Variants in GRIK2 observed in about 807,000 individuals in gnomAD.
GRIK2 encodes glutamate ionotropic receptor kainate type subunit 2, also known as glutamate receptor ionotropic, kainate 2.
GRIK2 carries 32 observed loss-of-function variants against 100.3 expected under a neutral mutation model. The ratio of observed to expected loss-of-function variants is 0.32; its 90% CI spans 0.24 to 0.43. GRIK2 has a LOEUF of 0.43. Among genes scored for constraint, GRIK2 ranks in the 20% least tolerant of loss-of-function variants. GRIK2 has a pLI of 1.00. For missense variants in GRIK2, 843 were observed against 1,114.9 expected (o/e 0.76, Z 3.47); for synonymous variants, 417 against 389.4 (o/e 1.07, Z -0.83).
At chr6:101,559,144 C>T (rs1776878885) in intron 2 of GRIK2, among the ~76,000 whole-genome samples, 1 of 152,012 alleles carries the variant, frequency 6.6e-6, no homozygotes, top group Non-Finnish European at 1.5e-5. Flanking sequence ...ACATTTTTGT[C>T]AGAATTAGTA....
chr6:101,762,010 C>T, intron 7 of GRIK2, among the ~76,000 whole-genome samples: 1 of 97,154 alleles, frequency 1.0e-5, no homozygotes. Flanking sequence ...CTTTTCTTTT[C>T]TTCCTTTCTT....
intron 14 of GRIK2, among the ~76,000 whole-genome samples, chr6:101,998,011 T>C (rs1794739074): frequency 1.3e-5 from 2 of 152,254 alleles, no homozygotes; most frequent in East Asian, 3.9e-4. Flanking sequence ...AACATACGTA[T>C]ACATCAGCGA....
intron 16 of GRIK2, among the ~76,000 whole-genome samples, chr6:102,057,417 G>A (rs939441183): frequency 7.9e-5 from 12 of 151,872 alleles, no homozygotes; most frequent in African/African-American, 2.2e-4. Flanking sequence ...ATTTTGTAAC[G>A]TATCGTGCTT....
At chr6:101,987,127 G>T (rs1465503281) in intron 14 of GRIK2, among the ~76,000 whole-genome samples, 1 of 151,608 alleles carries the variant, frequency 6.6e-6, no homozygotes, top group East Asian at 1.9e-4. Context: ...CTTCAGCCTG[G>T]GTGACAGAGA....
intron 4 of GRIK2, among the ~76,000 whole-genome samples, chr6:101,632,638 A>G (rs1250942123): frequency 6.6e-6 from 1 of 152,120 alleles, no homozygotes; most frequent in Non-Finnish European, 1.5e-5. Flanking sequence ...TTAAACATAT[A>G]TATGTGAGTA....
chr6:101,402,550 G>A (rs957995818), intron 2 of GRIK2, among the ~76,000 whole-genome samples: 2 of 152,160 alleles, frequency 1.3e-5, no homozygotes, highest in Non-Finnish European at 2.9e-5. Flanking sequence ...GCGACCTGAG[G>A]GTCAACCAAG....
intron 2 of GRIK2, among the ~76,000 whole-genome samples, chr6:101,521,638 A>G (rs2128281600): frequency 6.6e-6 from 1 of 151,996 alleles, no homozygotes; most frequent in East Asian, 1.9e-4. Flanking sequence ...TAATAATAAT[A>G]TGAAATAAAG....
chr6:101,557,487 C>A (rs1349545887), intron 2 of GRIK2, among the ~76,000 whole-genome samples: 2 of 152,132 alleles, frequency 1.3e-5, no homozygotes, highest in Non-Finnish European at 2.9e-5. Context: ...TATTATTTTG[C>A]TACTTAACCA....
chr6:101,622,127 G>C lies in GRIK2; in HGVS notation c.283+11G>C, dbSNP rs1053309155. 6.7e-7 allele frequency: 1 copy of C among 1,499,026 alleles called. No individual in the cohort carries two copies. Among genetic ancestry groups the C allele is most frequent in the Non-Finnish European group, 9.2e-7 (1 of 1,090,508 alleles). 92.9% of individuals were successfully genotyped at this position (1,499,026 alleles called of 1,614,324 possible). On this transcript the variant is annotated intron_variant, in intron 3 of 16. Transcript: ENST00000369134. ...AAGCATCCAAGAAAGGTAATTGATA[G>C]ATTTTTAACATCTTTGTTTCCTGGA... is the stretch of plus-strand genomic sequence containing the variant.
intron 2 of GRIK2, among the ~76,000 whole-genome samples, chr6:101,510,676 C>T (rs1774266477): frequency 6.6e-6 from 1 of 151,670 alleles, no homozygotes; most frequent in Non-Finnish European, 1.5e-5. Flanking sequence ...GCACCTGCCA[C>T]CATGCCCAGC....
At chr6:101,588,483 A>C (rs1011660660) in intron 2 of GRIK2, among the ~76,000 whole-genome samples, 22 of 88 alleles carry the variant, frequency 0.25, no homozygotes, top group Non-Finnish European at 0.3. Context: ...AATTGTTCTA[A>C]GATAAGGTTG....
intron 11 of GRIK2, among the ~76,000 whole-genome samples, chr6:101,862,451 G>C (rs572942362): frequency 6.6e-6 from 1 of 152,166 alleles, no homozygotes; most frequent in Non-Finnish European, 1.5e-5. Flanking sequence ...ATTTTTAAGA[G>C]ACGGAATCTT....
rs779297950 is a variant in GRIK2 at position 101,514,838 on chromosome 6, G to T, written c.116-107111G>T. ...AATATTGAAATTCTAAAACGACATGGTATAATTTTTGAAGAAATCTTCAGT... is the reference window on the plus strand; with the variant it reads ...AATATTGAAATTCTAAAACGACATGTTATAATTTTTGAAGAAATCTTCAGT... On this transcript the variant is annotated intron_variant, in intron 2 of 16. Transcript: ENST00000369134. 3.2e-4 allele frequency among the ~76,000 whole-genome samples: 48 copies of T among 152,118 alleles called. 1 individual carries two copies. The highest frequency in any genetic ancestry group is 3.9e-4 in the Admixed American group (6 of 15,236).
chr6:101,641,580 A>G (rs949872118), intron 4 of GRIK2, among the ~76,000 whole-genome samples: 1 of 151,998 alleles, frequency 6.6e-6, no homozygotes, highest in Non-Finnish European at 1.5e-5. Flanking sequence ...AATTCAGCGA[A>G]GAGACTAGAT....
At chr6:101,598,254 A>G (rs1348233648) in intron 2 of GRIK2, among the ~76,000 whole-genome samples, 1 of 151,348 alleles carries the variant, frequency 6.6e-6, no homozygotes, top group Non-Finnish European at 1.5e-5. Context: ...TCTTCTTCCT[A>G]GTTCATTTGC....
chr6:101,783,109 C>T (rs773475667), intron 7 of GRIK2, among the ~76,000 whole-genome samples: 2 of 151,996 alleles, frequency 1.3e-5, no homozygotes, highest in Non-Finnish European at 2.9e-5. Context: ...CCACCCGCCT[C>T]GGCCTCTCAA....
At chr6:101,857,580 A>G (rs867785923) in intron 10 of GRIK2, among the ~76,000 whole-genome samples, 1 of 152,296 alleles carries the variant, frequency 6.6e-6, no homozygotes, top group South Asian at 2.1e-4. Flanking sequence ...GAGGGTGAGC[A>G]CATTCCTAGG....
At chr6:101,647,819 A>C (rs1229046114) in intron 4 of GRIK2, among the ~76,000 whole-genome samples, 1 of 152,078 alleles carries the variant, frequency 6.6e-6, no homozygotes, top group Non-Finnish European at 1.5e-5. Context: ...TATATTAATC[A>C]TTCAGTGTAG....
chr6:101,950,605 T>A (rs1421518433), intron 14 of GRIK2, among the ~76,000 whole-genome samples: 1 of 152,184 alleles, frequency 6.6e-6, no homozygotes, highest in African/African-American at 2.4e-5. Flanking sequence ...TGAAGACTAT[T>A]CCCACCTGCC....
Sources: gnomAD v4.1 joint callset for allele counts (sites outside exome capture counted in the v4.1 genomes callset) on GRCh38, gnomAD v4.1.1 for gene constraint, MANE v1.5 for transcripts, NCBI Gene and HGNC (gene_info 2026-07-23, HGNC 2026-07-21) for gene names.